The following PCDHA9 variants were observed in gnomAD, a reference collection of about 807,000 sequenced individuals.
PCDHA9 encodes protocadherin alpha-9.
A neutral mutation model predicts 62.0 loss-of-function variants in PCDHA9; 62 were observed. The observed-to-expected ratio is 1.00, with a 90% confidence interval of 0.81 to 1.23. The LOEUF is 1.23. Ranked by LOEUF, PCDHA9 falls within the 50% of genes most tolerant of loss-of-function variation. The probability of loss-of-function intolerance (pLI) is 0.00; values close to 1 mark genes in which losing one functional copy is unlikely to be tolerated. For missense variants in PCDHA9, 1,205 were observed against 1,249.8 expected (o/e 0.96, Z 0.54); for synonymous variants, 557 against 567.6 (o/e 0.98, Z 0.27).
intron 1 of PCDHA9, among the ~76,000 whole-genome samples, chr5:140,956,378 G>A (rs1317429422): frequency 5.9e-5 from 9 of 152,072 alleles, no homozygotes; most frequent in African/African-American, 1.7e-4. Context: ...GAATTTTATC[G>A]AAGGCCTTTT....
rs1396431858 is a variant in PCDHA9, at chr5:141,010,083, T to C, written c.*146T>C. The C allele has an allele frequency of 1.9e-6, 3 of 1,612,132 alleles. No homozygotes were observed. The African/African-American group carries it at 4.0e-5, about 22-fold the overall frequency. On this transcript the variant is annotated 3_prime_UTR_variant, in exon 4 of 4. Coordinates refer to ENST00000532602, the MANE Select transcript of PCDHA9 (RefSeq NM_031857.2). Reference sequence around the variant, plus strand: ...CTGCAGAAAGTTCCCTGTGTCTGTCTAGAACGCATTTAACAGGTTTTGTCG... The same window carrying C: ...CTGCAGAAAGTTCCCTGTGTCTGTCCAGAACGCATTTAACAGGTTTTGTCG...
At chr5:140,868,909 T>C (rs2050732260) in intron 1 of PCDHA9, 3 of 886,670 alleles carry the variant, frequency 3.4e-6, no homozygotes, top group Non-Finnish European at 5.0e-6. Context: ...CGCTCTTTAC[T>C]TGGTGGAAAG....
intron 3 of PCDHA9, among the ~76,000 whole-genome samples, chr5:140,999,514 A>G (rs782202425): frequency 1.4e-4 from 22 of 152,210 alleles, no homozygotes; most frequent in Non-Finnish European, 1.0e-4. Context: ...CATTTTAAGC[A>G]TTTTGTTACC....
Position 141,009,840 on chromosome 5 carries a change from A to T in PCDHA9, c.2756A>T (p.Lys919Met), listed in dbSNP as rs782270689. 1 of 1,614,186 alleles carries T rather than the reference A, an allele frequency of 6.2e-7. No individual in the cohort carries two copies. The highest frequency in any genetic ancestry group is 1.7e-5 in the Admixed American group (1 of 60,024). The change falls in exon 4 of 4, where the codon AAG (lysine) becomes ATG (methionine). Residue 919 changes from lysine (K) to methionine (M), a missense_variant. Lys to Met is a moderately conservative substitution (Grantham distance 95). Around this residue, in one of 3 missense-constraint regions of PCDHA9, gnomAD observed 887 missense variants for 809.5 expected, o/e 1.10. Coordinates refer to ENST00000532602, the MANE Select transcript of PCDHA9 (RefSeq NM_031857.2). ...AGTGACTTCATAACCTTCGGCAAAA[A>T]GGAGGAGACCAAGAAAAAGAAGAAA... Reference protein sequence around the residue: ...DKSDFITFGKKEETKKKKKKK... With the variant: ...DKSDFITFGKMEETKKKKKKK...
chr5:140,950,944 T>C (rs2094535037), intron 1 of PCDHA9, among the ~76,000 whole-genome samples: 1 of 152,090 alleles, frequency 6.6e-6, no homozygotes, highest in Admixed American at 6.5e-5. Flanking sequence ...TCAGATTGGA[T>C]CATTTCTATT....
intron 1 of PCDHA9, chr5:140,877,297 T>C (rs782559386): frequency 6.2e-7 from 1 of 1,613,924 alleles, no homozygotes; most frequent in East Asian, 2.2e-5. Context: ...TTGGCTGTCC[T>C]ACGAGTTGCA....
chr5:140,854,040 T>A, intron 1 of PCDHA9: 1 of 281,106 alleles, frequency 3.6e-6, no homozygotes, highest in Non-Finnish European at 5.5e-6. Flanking sequence ...CACACATCTC[T>A]AGTCCCAATT....
chr5:141,002,234 C>G (rs2098067276), intron 3 of PCDHA9, among the ~76,000 whole-genome samples: 1 of 152,210 alleles, frequency 6.6e-6, no homozygotes, highest in Non-Finnish European at 1.5e-5. Context: ...TTTCTGGAAG[C>G]TCTTTATTAA....
At chr5:140,991,539 C>T (rs1458315356) in intron 3 of PCDHA9, among the ~76,000 whole-genome samples, 3 of 152,164 alleles carry the variant, frequency 2.0e-5, no homozygotes, top group Admixed American at 6.6e-5. Context: ...CACTATATAA[C>T]AAGGATCCAC....
At chr5:140,921,367 T>C (rs1165325497) in intron 1 of PCDHA9, among the ~76,000 whole-genome samples, 1 of 152,182 alleles carries the variant, frequency 6.6e-6, no homozygotes, top group African/African-American at 2.4e-5. Context: ...TCAAGTTTCA[T>C]ATTTCTACAT....
chr5:140,969,393 C>T, intron 1 of PCDHA9: 1 of 1,590,146 alleles, frequency 6.3e-7, no homozygotes. Flanking sequence ...CCCCCAATAT[C>T]CTGTGATTTG....
intron 1 of PCDHA9, chr5:140,856,935 A>C: frequency 6.3e-7 from 1 of 1,594,236 alleles, no homozygotes; most frequent in South Asian, 1.1e-5. Flanking sequence ...TGGATAAACG[A>C]AAGGACGGGA....
chr5:140,959,078 A>C (rs1489301308), intron 1 of PCDHA9, among the ~76,000 whole-genome samples: 1 of 152,128 alleles, frequency 6.6e-6, no homozygotes, highest in Non-Finnish European at 1.5e-5. Flanking sequence ...ATTCAGTATT[A>C]TCCTTGGTTT....
At chr5:140,874,926 A>C (rs1282020251) in intron 1 of PCDHA9, among the ~76,000 whole-genome samples, 1 of 152,228 alleles carries the variant, frequency 6.6e-6, no homozygotes, top group Non-Finnish European at 1.5e-5. Flanking sequence ...GTGAAGGTTA[A>C]AAGTTATTGA....
At chr5:140,930,902 T>C (rs1474835953) in intron 1 of PCDHA9, among the ~76,000 whole-genome samples, 1 of 152,212 alleles carries the variant, frequency 6.6e-6, no homozygotes, top group Non-Finnish European at 1.5e-5. Flanking sequence ...TTTAACTTAC[T>C]TTTCTACTTT....
intron 1 of PCDHA9, among the ~76,000 whole-genome samples, chr5:140,911,856 T>C (rs1252396387): frequency 6.6e-6 from 1 of 152,184 alleles, no homozygotes; most frequent in Non-Finnish European, 1.5e-5. Context: ...TCCTTAATAG[T>C]CTGTTCTTCT....
intron 1 of PCDHA9, among the ~76,000 whole-genome samples, chr5:140,912,304 C>T (rs904729298): frequency 6.6e-6 from 1 of 151,998 alleles, no homozygotes; most frequent in Admixed American, 6.6e-5. Flanking sequence ...TCCTGTAATC[C>T]AGTCAAGTTG....
At chr5:140,880,042 G>A (rs530262393) in intron 1 of PCDHA9, among the ~76,000 whole-genome samples, 3 of 152,208 alleles carry the variant, frequency 2.0e-5, no homozygotes, top group Non-Finnish European at 4.4e-5. Flanking sequence ...CAGGGATTAA[G>A]ATGTGGGCAT....
At chr5:140,878,358 A>G (rs2057559820) in intron 1 of PCDHA9, among the ~76,000 whole-genome samples, 1 of 152,254 alleles carries the variant, frequency 6.6e-6, no homozygotes, top group Non-Finnish European at 1.5e-5. Context: ...TATAAATGAT[A>G]TGTCTGACAT....
Sources: allele counts gnomAD v4.1 joint callset (sites outside exome capture counted in the v4.1 genomes callset), GRCh38; gene constraint gnomAD v4.1.1; regional missense constraint gnomAD v4.1.1; transcripts MANE v1.5; gene names NCBI Gene and HGNC (gene_info 2026-07-23, HGNC 2026-07-21).